Variants in KANSL2 observed in about 807,000 individuals in gnomAD.
KANSL2 encodes KAT8 regulatory NSL complex subunit 2.
Under a neutral mutation model 55.6 loss-of-function variants are expected in KANSL2, and 34 were observed. The ratio of observed to expected loss-of-function variants is 0.61; its 90% confidence interval spans 0.46 to 0.81. The LOEUF (loss-of-function observed/expected upper bound fraction) is 0.81, where lower values mean the gene tolerates loss of function less well. Ranked by LOEUF, KANSL2 falls within the 40% of genes least tolerant of loss-of-function variation. The pLI is 0.00. For missense variants in KANSL2, 502 were observed against 609.9 expected (o/e 0.82, Z 1.86); for synonymous variants, 209 against 214.3 (o/e 0.98, Z 0.22).
chr12:48,671,099 T>C (rs959455076), intron 5 of KANSL2, among the ~76,000 whole-genome samples: 7 of 151,872 alleles, frequency 4.6e-5, no homozygotes, highest in African/African-American at 1.7e-4. Context: ...ACCCCCCCTC[T>C]ACTAAAAATA....
intron 6 of KANSL2, 43 bp downstream of exon 6, chr12:48,669,063 A>G (rs1939657347): frequency 1.4e-6 from 2 of 1,404,886 alleles, no homozygotes; most frequent in East Asian, 2.8e-5. Flanking sequence ...AAAACAATAA[A>G]TAAAGTGAAC....
intron 5 of KANSL2, among the ~76,000 whole-genome samples, chr12:48,671,388 T>C (rs1469078393): frequency 1.3e-5 from 2 of 152,184 alleles, no homozygotes; most frequent in Admixed American, 6.6e-5. Context: ...ACTTATAACG[T>C]CTAAAGTAGT....
chr12:48,666,777 T>A (rs1193454190), intron 7 of KANSL2, among the ~76,000 whole-genome samples: 1 of 151,716 alleles, frequency 6.6e-6, no homozygotes, highest in Non-Finnish European at 1.5e-5. Context: ...TTCAGAAGGC[T>A]GAGGTAGGAG....
intron 3 of KANSL2, 42 bp downstream of exon 3, chr12:48,679,613 A>G (rs147842535): frequency 0.02 from 30,706 of 1,566,450 alleles, 377 homozygotes; most frequent in Non-Finnish European, 0.023. Flanking sequence ...TTCCCCCTTA[A>G]CTTTCTTCCT....
intron 4 of KANSL2, among the ~76,000 whole-genome samples, chr12:48,672,350 C>T (rs913498614): frequency 6.9e-6 from 1 of 144,408 alleles, no homozygotes; most frequent in Non-Finnish European, 1.5e-5. Context: ...GTATCTTTCA[C>T]ATATACATAT....
intron 6 of KANSL2, 25 bp downstream of exon 6, chr12:48,669,081 C>T (rs189149141): frequency 1.3e-6 from 2 of 1,509,334 alleles, no homozygotes; most frequent in Non-Finnish European, 8.9e-7. Context: ...AACGTATATA[C>T]CTTAAAGGTA....
chr12:48,681,785 G>C, intron 1 of KANSL2, 144 bp from the exon 2 acceptor site: 1 of 982,124 alleles, frequency 1.0e-6, no homozygotes, highest in Non-Finnish European at 1.6e-6. Context: ...CCCTCCCCAA[G>C]TCTCCACAGG....
At chr12:48,681,689 T>G in intron 1 of KANSL2, 48 bp from the exon 2 acceptor site, 1 of 1,611,964 alleles carries the variant, frequency 6.2e-7, no homozygotes, top group Admixed American at 1.7e-5. Flanking sequence ...TTCCCGAAAA[T>G]TCCTGCTCCA....
intron 4 of KANSL2, among the ~76,000 whole-genome samples, chr12:48,676,670 G>C (rs760565142): frequency 6.6e-5 from 10 of 151,568 alleles, no homozygotes; most frequent in Middle Eastern, 3.2e-3. Context: ...AAAAAAAAAA[G>C]TGCGAGGATT....
intron 6 of KANSL2, among the ~76,000 whole-genome samples, chr12:48,668,870 A>G (rs1949594430): frequency 6.6e-6 from 1 of 151,950 alleles, no homozygotes; most frequent in Non-Finnish European, 1.5e-5. Flanking sequence ...TGAAACCCCA[A>G]AAAATACAAA....
intron 7 of KANSL2, among the ~76,000 whole-genome samples, chr12:48,662,879 C>T (rs1054963154): frequency 7.9e-5 from 12 of 151,820 alleles, no homozygotes; most frequent in Non-Finnish European, 2.9e-5. Flanking sequence ...AATTCATGCT[C>T]GCCTTAAAAA....
intron 4 of KANSL2, among the ~76,000 whole-genome samples, chr12:48,672,663 C>T (rs1045958865): frequency 3.3e-5 from 5 of 151,546 alleles, no homozygotes; most frequent in Admixed American, 6.6e-5. Flanking sequence ...TGGGTTTAAG[C>T]GATGCTCCCG....
At position 48,681,657 on chromosome 12, in the gene KANSL2, A is replaced by G. The variant is rs201047342; in HGVS notation, c.-9-16T>C. ...TAACCAAAACCTGCGGGGTCAAACG[A>G]AAGACCAAAAAGCCCTTACCCTTCC... On this transcript the variant is annotated splice_polypyrimidine_tract_variant and intron_variant, in intron 1 of 9. Transcript: ENST00000420613. 1.9e-5 allele frequency: 30 copies of G among 1,613,840 alleles called. 1 individual carries two copies. The Middle Eastern group carries it at 4.9e-4, about 27-fold the overall frequency.
At chr12:48,663,506 C>T (rs1939526781) in intron 7 of KANSL2, among the ~76,000 whole-genome samples, 1 of 152,154 alleles carries the variant, frequency 6.6e-6, no homozygotes. Context: ...CACGGGTCTA[C>T]TTACACGTGC....
intron 8 of KANSL2, chr12:48,656,805 A>G (rs762064176): frequency 4.1e-6 from 2 of 482,130 alleles, no homozygotes; most frequent in South Asian, 1.5e-5. Context: ...CTCAAACAAT[A>G]TATCAAACTA....
chr12:48,669,826 A>AT (rs1939676208), intron 5 of KANSL2, among the ~76,000 whole-genome samples: 1 of 152,002 alleles, frequency 6.6e-6, no homozygotes, highest in Non-Finnish European at 1.5e-5. Context: ...AAAAATTCTT[A>AT]TTGCCTAGTG....
chr12:48,656,564 G>A (rs953345616), intron 8 of KANSL2: 28 of 355,778 alleles, frequency 7.9e-5, no homozygotes, highest in South Asian at 4.5e-4. Flanking sequence ...GAGCCACCAC[G>A]CCCGGCCAAC....
In KANSL2 at chr12:48,678,586, T is replaced by C. The variant is rs571884899; in HGVS notation, c.545+450A>G. Among the ~76,000 whole-genome samples, 13 of 152,324 alleles carry C rather than the reference T, an allele frequency of 8.5e-5. No homozygotes were observed. The East Asian group carries it at 1.5e-3, about 18-fold the overall frequency. ...ACACTGTACCCCATACATTGTACAA[T>C]TGTCAATTTAAAACAATATATAACT... On this transcript the variant is annotated intron_variant, in intron 4 of 9. Transcript: ENST00000420613.
chr12:48,654,082 T>C lies in KANSL2; in HGVS notation c.1441A>G (p.Thr481Ala). 2 of 1,610,020 alleles carry C rather than the reference T, an allele frequency of 1.2e-6. No homozygotes were observed. Among genetic ancestry groups the C allele is most frequent in the Non-Finnish European group, 8.5e-7 (1 of 1,178,294 alleles). ...SAPLSQSGLATANGKPEPTSI... is the reference protein window; with the variant it reads ...SAPLSQSGLAAANGKPEPTSI... ...GTGGGTTCTGGCTTCCCATTTGCAG[T>C]AGCCAATCCACTCTGAGACAATGGT... The change falls in exon 10 of 10, where the codon ACT (threonine) becomes GCT (alanine). Residue 481 changes from threonine (T) to alanine (A), a missense_variant. Coordinates refer to ENST00000420613, the MANE Select transcript of KANSL2 (RefSeq NM_017822.4).
Sources: gnomAD v4.1 joint callset for allele counts (sites outside exome capture counted in the v4.1 genomes callset) on GRCh38, gnomAD v4.1.1 for gene constraint, MANE v1.5 for transcripts, NCBI Gene and HGNC (gene_info 2026-07-23, HGNC 2026-07-21) for gene names.